PRKCA: variants seen among roughly 807,000 people sequenced by gnomAD.
PRKCA encodes protein kinase C alpha.
A neutral mutation model predicts 87.0 loss-of-function variants in PRKCA; 27 were observed. The observed-to-expected ratio is 0.31, with a 90% CI of 0.23 to 0.43. PRKCA has a LOEUF of 0.43. PRKCA is among the 20% of genes least tolerant of loss of function. The pLI is 1.00. For synonymous variants in PRKCA, 329 were observed against 311.1 expected, an observed-to-expected ratio of 1.06 and a Z score of -0.61; for missense variants, 518 against 852.3, an observed-to-expected ratio of 0.61 and a Z score of 4.88.
intron 3 of PRKCA, among the ~76,000 whole-genome samples, chr17:66,514,626 CT>C (rs1286718990): frequency 2.0e-5 from 3 of 152,104 alleles, no homozygotes; most frequent in Non-Finnish European, 4.4e-5. Context: ...GTTTAGCTGT[CT>C]TGTCTTGTAG....
At chr17:66,726,838 C>T (rs1401015437) in intron 8 of PRKCA, among the ~76,000 whole-genome samples, 1 of 152,038 alleles carries the variant, frequency 6.6e-6, no homozygotes, top group Non-Finnish European at 1.5e-5. Flanking sequence ...GATTCTCCCA[C>T]CTCAGCCTCC....
intron 2 of PRKCA, among the ~76,000 whole-genome samples, chr17:66,455,125 G>A (rs79599441): frequency 1.3e-5 from 2 of 152,208 alleles, no homozygotes; most frequent in Non-Finnish European, 2.9e-5. Context: ...GTCCACATAA[G>A]TGAGTCAGGG....
chr17:66,392,086 C>T (rs1910393024), intron 2 of PRKCA, among the ~76,000 whole-genome samples: 4 of 151,968 alleles, frequency 2.6e-5, no homozygotes, highest in South Asian at 2.1e-4. Flanking sequence ...AAAAATTAGC[C>T]GGGTGTGATG....
Position 66,647,654 on chromosome 17 carries a change from C to T in PRKCA, c.529+2143C>T, listed in dbSNP as rs540555820. ...TGCTCTGGCTGGGGTGGCACAGGTACACAGGTGGAAGACAAAGGTCAGGCC... is the reference window on the plus strand; with the variant it reads ...TGCTCTGGCTGGGGTGGCACAGGTATACAGGTGGAAGACAAAGGTCAGGCC... On this transcript the variant is annotated intron_variant, in intron 5 of 16. Coordinates refer to ENST00000413366, the MANE Select transcript of PRKCA (RefSeq NM_002737.3). Among the ~76,000 whole-genome samples the T allele has an allele frequency of 2.4e-4, 37 of 152,296 alleles. No individual in the cohort carries two copies. The South Asian group carries it at 7.5e-3, about 31-fold the overall frequency.
chr17:66,351,970 T>G (rs1907771572), intron 2 of PRKCA, among the ~76,000 whole-genome samples: 1 of 152,176 alleles, frequency 6.6e-6, no homozygotes, highest in Admixed American at 6.5e-5. Context: ...GGGTCTAAAC[T>G]GGCAGTGTCA....
At chr17:66,563,074 A>G (rs1968766565) in intron 3 of PRKCA, among the ~76,000 whole-genome samples, 1 of 152,076 alleles carries the variant, frequency 6.6e-6, no homozygotes, top group Non-Finnish European at 1.5e-5. Context: ...AGGAAAATGG[A>G]GTGGAAAGTA....
chr17:66,467,663 T>A (rs924846152), intron 2 of PRKCA, among the ~76,000 whole-genome samples: 1 of 152,176 alleles, frequency 6.6e-6, no homozygotes, highest in Non-Finnish European at 1.5e-5. Flanking sequence ...GCTCAAGCGA[T>A]CCTCCTGCTT....
At chr17:66,564,171 C>T (rs147991307) in intron 3 of PRKCA, among the ~76,000 whole-genome samples, 35 of 152,012 alleles carry the variant, frequency 2.3e-4, no homozygotes, top group African/African-American at 8.0e-4. Flanking sequence ...CTCTGCCTCC[C>T]GGGTTCAAGG....
At chr17:66,398,365 A>G (rs1215254816) in intron 2 of PRKCA, 1 of 152,216 alleles carries the variant, frequency 6.6e-6, no homozygotes, top group African/African-American at 2.4e-5. Context: ...ACAATAATAG[A>G]CTCAAAACCC....
chr17:66,431,004 A>C (rs1412232249), intron 2 of PRKCA, among the ~76,000 whole-genome samples: 1 of 152,208 alleles, frequency 6.6e-6, no homozygotes, highest in African/African-American at 2.4e-5. Flanking sequence ...TCATGGGGTG[A>C]AACTGCTTTC....
chr17:66,641,312 C>G, intron 3 of PRKCA, 43 bp from the exon 4 acceptor site: 1 of 1,467,920 alleles, frequency 6.8e-7, no homozygotes, highest in Non-Finnish European at 9.5e-7. Context: ...AAAACGTGGT[C>G]CTTTCATGAC....
chr17:66,427,033 A>AT lies in PRKCA; in HGVS notation c.206-69168_206-69167insT, dbSNP rs1912848026. On this transcript the variant is annotated intron_variant, in intron 2 of 16. Coordinates refer to ENST00000413366, the MANE Select transcript of PRKCA (RefSeq NM_002737.3). ...ATGAGACACCAGCCACTTAAAAAAAAATTTTTTTTTTAATTTTTAAGAGAC... is the reference window on the plus strand; with the variant it reads ...ATGAGACACCAGCCACTTAAAAAAAATATTTTTTTTTTAATTTTTAAGAGAC... 1.5e-4 allele frequency among the ~76,000 whole-genome samples: 23 copies of AT among 151,692 alleles called. 1 individual carries two copies. The highest frequency in any genetic ancestry group is 8.4e-4 in the South Asian group (4 of 4,774).
At chr17:66,765,418 C>CCATATATA (rs1555646684) in intron 13 of PRKCA, among the ~76,000 whole-genome samples, 1 of 49,310 alleles carries the variant, frequency 2.0e-5, no homozygotes, top group Non-Finnish European at 3.9e-5. Context: ...AAGACTTTGT[C>CCATATATA]TATATATATA....
intron 3 of PRKCA, among the ~76,000 whole-genome samples, chr17:66,556,390 T>C (rs1040875717): frequency 2.0e-5 from 3 of 148,114 alleles, no homozygotes; most frequent in Non-Finnish European, 4.4e-5. Flanking sequence ...AGCTATGCAA[T>C]TTCATTTTAG....
At chr17:66,650,324 C>A (rs758547035) in intron 5 of PRKCA, among the ~76,000 whole-genome samples, 1 of 150,516 alleles carries the variant, frequency 6.6e-6, no homozygotes, top group East Asian at 1.9e-4. Context: ...TGCCTTTGGG[C>A]GGTGGTGCTG....
At chr17:66,631,646 G>C (rs1186552361) in intron 3 of PRKCA, among the ~76,000 whole-genome samples, 1 of 152,088 alleles carries the variant, frequency 6.6e-6, no homozygotes, top group Admixed American at 6.6e-5. Flanking sequence ...TTTAAAAGTT[G>C]TGCAGGGTGA....
intron 2 of PRKCA, chr17:66,364,009 GCTT>G (rs1263862755): frequency 6.6e-6 from 1 of 152,262 alleles, no homozygotes; most frequent in Non-Finnish European, 1.5e-5. Context: ...CCTGGAATGG[GCTT>G]TTTAAAGGAG....
At chr17:66,454,645 C>T (rs757576468) in intron 2 of PRKCA, among the ~76,000 whole-genome samples, 8 of 152,140 alleles carry the variant, frequency 5.3e-5, no homozygotes, top group African/African-American at 1.4e-4. Context: ...AAGAGCCAAG[C>T]GAAACAAGTT....
At chr17:66,394,086 G>C (rs372616468) in intron 2 of PRKCA, among the ~76,000 whole-genome samples, 3 of 152,214 alleles carry the variant, frequency 2.0e-5, no homozygotes, top group African/African-American at 4.8e-5. Context: ...AAAAAAGAAA[G>C]AGTGACACAT....
Sources: allele counts gnomAD v4.1 joint callset (sites outside exome capture counted in the v4.1 genomes callset), GRCh38; gene constraint gnomAD v4.1.1; transcripts MANE v1.5; gene names NCBI Gene and HGNC (gene_info 2026-07-23, HGNC 2026-07-21).